XRCC4: variants seen among roughly 807,000 people sequenced by gnomAD.
The protein encoded by XRCC4 is X-ray repair cross complementing 4, also known as DNA repair protein XRCC4.
In XRCC4, 28 loss-of-function variants were observed where a neutral mutation model predicts 39.1. The ratio of observed to expected loss-of-function variants is 0.72; its 90% confidence interval spans 0.53 to 0.98. XRCC4 has a LOEUF of 0.98. Among genes scored for constraint, XRCC4 ranks in the 50% least tolerant of loss-of-function variants. The probability of loss-of-function intolerance (pLI) is 0.00; values close to 1 mark genes in which losing one functional copy is unlikely to be tolerated. For synonymous variants in XRCC4, 123 were observed against 126.4 expected (o/e 0.97, Z 0.18); for missense variants, 350 against 376.4 (o/e 0.93, Z 0.58).
chr5:83,101,269 C>A (rs1159451960), intron 1 of XRCC4, among the ~76,000 whole-genome samples: 3 of 151,856 alleles, frequency 2.0e-5, no homozygotes, highest in African/African-American at 7.2e-5. Flanking sequence ...TTATTAGCTT[C>A]TACGGTATAA....
intron 1 of XRCC4, among the ~76,000 whole-genome samples, chr5:83,103,009 G>GAGATATATATATATATAT (rs1554054063): frequency 9.4e-6 from 1 of 106,464 alleles, no homozygotes; most frequent in African/African-American, 3.9e-5. Context: ...AGATAGAGCT[G>GAGATATATATATATATAT]ATATATATAT....
At chr5:83,109,356 C>T (rs1746341694) in intron 2 of XRCC4, among the ~76,000 whole-genome samples, 1 of 151,908 alleles carries the variant, frequency 6.6e-6, no homozygotes, top group African/African-American at 2.4e-5. Flanking sequence ...TAGTTACTTA[C>T]TTCATCACCC....
intron 6 of XRCC4, among the ~76,000 whole-genome samples, chr5:83,222,375 A>C (rs1752117287): frequency 6.6e-6 from 1 of 152,160 alleles, no homozygotes; most frequent in African/African-American, 2.4e-5. Flanking sequence ...ACTTCAGTGC[A>C]TTATTGCATT....
At chr5:83,208,203 G>A (rs1751492891) in intron 6 of XRCC4, among the ~76,000 whole-genome samples, 1 of 151,982 alleles carries the variant, frequency 6.6e-6, no homozygotes, top group Non-Finnish European at 1.5e-5. Flanking sequence ...AGATGAATAT[G>A]TTAATCTGAA....
intron 7 of XRCC4, among the ~76,000 whole-genome samples, chr5:83,272,679 T>A (rs937504064): frequency 6.6e-6 from 1 of 152,154 alleles, no homozygotes; most frequent in African/African-American, 2.4e-5. Context: ...ACATGCAGTG[T>A]TTGGTTTTCT....
chr5:83,230,458 G>A (rs930917360), intron 6 of XRCC4, among the ~76,000 whole-genome samples: 1 of 151,980 alleles, frequency 6.6e-6, no homozygotes. Context: ...TATGTGTGAA[G>A]TATTATGTAG....
chr5:83,172,493 G>A (rs1749774636), intron 3 of XRCC4, among the ~76,000 whole-genome samples: 2 of 151,982 alleles, frequency 1.3e-5, no homozygotes, highest in Non-Finnish European at 2.9e-5. Flanking sequence ...AATGTAAATG[G>A]GATTATTAAA....
At chr5:83,230,992 C>T (rs1752475541) in intron 6 of XRCC4, among the ~76,000 whole-genome samples, 1 of 151,794 alleles carries the variant, frequency 6.6e-6, no homozygotes, top group Admixed American at 6.6e-5. Flanking sequence ...GATTACAGCC[C>T]ACTGAAGGTA....
intron 3 of XRCC4, among the ~76,000 whole-genome samples, chr5:83,145,185 A>T (rs1748394594): frequency 6.6e-6 from 1 of 152,152 alleles, no homozygotes; most frequent in African/African-American, 2.4e-5. Flanking sequence ...ATGAACCACC[A>T]CGCTCGGCTC....
At chr5:83,254,763 T>C (rs1233602335) in intron 6 of XRCC4, among the ~76,000 whole-genome samples, 1 of 151,990 alleles carries the variant, frequency 6.6e-6, no homozygotes, top group Non-Finnish European at 1.5e-5. Flanking sequence ...ATTATCACAA[T>C]TGGAGGAAAG....
downstream of XRCC4, among the ~76,000 whole-genome samples, chr5:83,355,899 A>G (rs1757184845): frequency 6.6e-6 from 1 of 152,170 alleles, no homozygotes; most frequent in Admixed American, 6.5e-5. Flanking sequence ...CGGCCTCCCA[A>G]AGTGCTAGGA....
chr5:83,265,133 A>G (rs10045775), intron 7 of XRCC4, among the ~76,000 whole-genome samples: 1,950 of 152,280 alleles, frequency 0.013, 42 homozygotes, highest in African/African-American at 0.045. Flanking sequence ...AATGTATTCA[A>G]AGTTTAAATC....
intron 6 of XRCC4, among the ~76,000 whole-genome samples, chr5:83,217,576 A>C (rs1339136109): frequency 6.6e-6 from 1 of 152,112 alleles, no homozygotes; most frequent in Non-Finnish European, 1.5e-5. Context: ...TATTTTCATA[A>C]ATCACTGGAG....
intron 3 of XRCC4, among the ~76,000 whole-genome samples, chr5:83,164,851 G>A (rs947568429): frequency 6.6e-6 from 1 of 152,022 alleles, no homozygotes; most frequent in African/African-American, 2.4e-5. Context: ...AAAAGCTTAA[G>A]AAATTAAGAG....
chr5:83,155,038 AT>A (rs1276271083), intron 3 of XRCC4, among the ~76,000 whole-genome samples: 4 of 152,146 alleles, frequency 2.6e-5, no homozygotes, highest in Admixed American at 2.6e-4. Context: ...TCCTCTACTT[AT>A]TCTTTAATAC....
At chr5:83,203,962 AT>A (rs1751318238) in intron 5 of XRCC4, among the ~76,000 whole-genome samples, 2 of 152,108 alleles carry the variant, frequency 1.3e-5, no homozygotes, top group Admixed American at 6.5e-5. Context: ...GTATTATTTA[AT>A]TCTTAGACAT....
chr5:83,108,778 TTAGA>T (rs1052368460), intron 2 of XRCC4, among the ~76,000 whole-genome samples: 9 of 151,744 alleles, frequency 5.9e-5, no homozygotes, highest in South Asian at 4.1e-4. Context: ...TGAGTTAAAG[TTAGA>T]TAGTTACTTT....
chr5:83,086,493 T>G (rs1366142721), intron 1 of XRCC4, among the ~76,000 whole-genome samples: 1 of 152,214 alleles, frequency 6.6e-6, no homozygotes, highest in Non-Finnish European at 1.5e-5. Context: ...TTACTATTCA[T>G]TAAGTGGAAG....
At chr5:83,278,333 G>T (rs1436816186) in intron 7 of XRCC4, among the ~76,000 whole-genome samples, 3 of 152,188 alleles carry the variant, frequency 2.0e-5, no homozygotes, top group African/African-American at 7.2e-5. Flanking sequence ...TGAGGTAGAA[G>T]TATAGTAAGA....
Sources: allele counts gnomAD v4.1 joint callset (sites outside exome capture counted in the v4.1 genomes callset), GRCh38; gene constraint gnomAD v4.1.1; transcripts MANE v1.5; gene names NCBI Gene and HGNC (gene_info 2026-07-23, HGNC 2026-07-21).